The following FNDC4 variants were observed in gnomAD, a reference collection of about 807,000 sequenced individuals.
The protein encoded by FNDC4 is fibronectin type III domain containing 4, also known as fibronectin type III domain-containing protein 4.
In FNDC4, 11 loss-of-function variants were observed where a neutral mutation model predicts 25.1. That is an observed-to-expected ratio of 0.44 (90% confidence interval 0.28 to 0.73). The LOEUF is 0.73. Ranked by LOEUF, FNDC4 falls within the 30% of genes least tolerant of loss-of-function variation. The probability of loss-of-function intolerance (pLI) is 0.16; values close to 1 mark genes in which losing one functional copy is unlikely to be tolerated. For missense variants in FNDC4, 250 were observed against 304.3 expected (o/e 0.82, Z 1.33); for synonymous variants, 136 against 118.8 (o/e 1.14, Z -0.94).
intron 5 of FNDC4, among the ~76,000 whole-genome samples, chr2:27,493,026 TGAGA>T (rs1669299074): frequency 6.7e-6 from 1 of 149,306 alleles, no homozygotes; most frequent in Non-Finnish European, 1.5e-5. Flanking sequence ...TTTTTTTTTT[TGAGA>T]CAGAGTCTCG....
Position 27,492,848 on chromosome 2 carries a change from C to A in FNDC4, c.545-58G>T. 1.2e-6 allele frequency: 2 copies of A among 1,602,230 alleles called. No homozygotes were observed. The highest frequency in any genetic ancestry group is 4.5e-5 in the East Asian group (2 of 44,788). On this transcript the variant is annotated intron_variant, in intron 5 of 6. Coordinates refer to ENST00000264703, the MANE Select transcript of FNDC4 (RefSeq NM_022823.3). The surrounding 1 kb of genome is among the most constrained non-coding windows in gnomAD (Gnocchi z 4.1). The stretch of plus-strand genomic sequence containing the variant: ...CACTTCCCCCCTCATAGGGAGATAC[C>A]TACGTAGCTTCTAGAAAATCCATGA...
intron 4 of FNDC4, 121 bp from the exon 5 acceptor site, chr2:27,493,599 T>A (rs1669308984): frequency 2.3e-6 from 2 of 879,208 alleles, no homozygotes; most frequent in Non-Finnish European, 3.7e-6. Context: ...CCTTGGAGTG[T>A]AGGGTAGCCC....
At position 27,492,286 on chromosome 2, in the gene FNDC4, T is replaced by C; in HGVS notation, c.*157A>G. ...ACTCTGAACAGACCTACCTTCTGGC[T>C]CTGCTCACAGTGGAAAGAGGATGGG... is the stretch of plus-strand genomic sequence containing the variant. On this transcript the variant is annotated 3_prime_UTR_variant, in exon 7 of 7. Coordinates refer to ENST00000264703, the MANE Select transcript of FNDC4 (RefSeq NM_022823.3). The surrounding 1 kb of genome is among the most constrained non-coding windows in gnomAD (Gnocchi z 4.1). The C allele has an allele frequency of 3.4e-6, 3 of 882,908 alleles. No individual in the cohort carries two copies. The highest frequency in any genetic ancestry group is 1.9e-5 in the Admixed American group (1 of 53,592). The allele number at this position is 882,908 out of a possible 1,614,324, so 54.7% of individuals were successfully genotyped here. A position where few individuals can be genotyped will look rare whatever the true frequency, so the allele number is the denominator to read the frequency against.
rs1265051878 is a variant in FNDC4 at position 27,494,758 on chromosome 2, C to CA, written c.-24-56_-24-55insT. The CA allele has an allele frequency of 1.2e-6, 1 of 816,426 alleles. No homozygotes were observed. The highest frequency in any genetic ancestry group is 1.7e-5 in the African/African-American group (1 of 57,798). The allele number at this position is 816,426 out of a possible 1,614,324, so 50.6% of individuals were successfully genotyped here. ...AGGACTGCCCAGAACGCACGGAGGT[C>CA]GGGGGGCAGCAGCTCTCCTGGGCTC... On this transcript the variant is annotated intron_variant, in intron 1 of 6. Coordinates refer to ENST00000264703, the MANE Select transcript of FNDC4 (RefSeq NM_022823.3). The surrounding 1 kb of genome is among the most constrained non-coding windows in gnomAD (Gnocchi z 4.6).
At position 27,493,410 on chromosome 2, in the gene FNDC4, C is replaced by T; in HGVS notation, c.523G>A (p.Val175Met). The change falls in exon 5 of 7, where the codon GTG becomes ATG. Residue 175 changes from valine to methionine, a missense_variant. Physicochemically the swap from Val to Met is conservative, Grantham distance 21. Transcript: ENST00000264703. The stretch of plus-strand genomic sequence containing the variant: ...TCACCAGCCCACATGAGCAACACCA[C>T]CACAATGATGACCACTTCCCCAGTC... ...LQTGEVVIIV[V>M]VLLMWAAVIG... 1 of 1,613,940 alleles carries T rather than the reference C, an allele frequency of 6.2e-7. No individual in the cohort carries two copies. The highest frequency in any genetic ancestry group is 2.2e-5 in the East Asian group (1 of 44,870).
At position 27,494,205 on chromosome 2, in the gene FNDC4, C is replaced by T. The variant is rs1398875851; in HGVS notation, c.250-71G>A. On this transcript the variant is annotated intron_variant, in intron 3 of 6. Transcript: ENST00000264703. The surrounding 1 kb of genome is among the most constrained non-coding windows in gnomAD (Gnocchi z 4.6). ...AGGCCACAAGGCTCAACCAGAGACTCTTCAACATCCAAGCACTCCGGGGGA... is the reference window on the plus strand; with the variant it reads ...AGGCCACAAGGCTCAACCAGAGACTTTTCAACATCCAAGCACTCCGGGGGA... The T allele has an allele frequency of 6.7e-7, 1 of 1,501,184 alleles. No individual in the cohort carries two copies. The highest frequency in any genetic ancestry group is 9.2e-7 in the Non-Finnish European group (1 of 1,089,182). The allele number at this position is 1,501,184 out of a possible 1,614,324, so 93.0% of individuals were successfully genotyped here. A position where few individuals can be genotyped will look rare whatever the true frequency, so the allele number is the denominator to read the frequency against.
chr2:27,493,404 A>C lies in FNDC4; in HGVS notation c.529T>G (p.Leu177Val), dbSNP rs1244240270. Residue 177 changes from leucine to valine, a missense_variant, in exon 5 of 7, where the codon TTG becomes GTG. Transcript: ENST00000264703. Reference sequence around the variant, plus strand: ...GCTTACTCACCAGCCCACATGAGCAACACCACCACAATGATGACCACTTCC... The same window carrying C: ...GCTTACTCACCAGCCCACATGAGCACCACCACCACAATGATGACCACTTCC... ...TGEVVIIVVV[L>V]LMWAAVIGLF... The C allele has an allele frequency of 1.2e-6, 2 of 1,613,810 alleles. No homozygotes were observed. Among genetic ancestry groups the C allele is most frequent in the South Asian group, 2.2e-5 (2 of 91,064 alleles).
chr2:27,494,002 G>A lies in FNDC4; in HGVS notation c.382C>T (p.Pro128Ser), dbSNP rs1669320083. 2 of 1,614,202 alleles carry A rather than the reference G, an allele frequency of 1.2e-6. No homozygotes were observed. The highest frequency in any genetic ancestry group is 1.7e-5 in the Admixed American group (1 of 60,026). ...VRSIGLRGES[P>S]PGPRVHFRTL... ...CGGAAGTGCACCCGGGGCCCTGGGGGACTCTCTCCCCGAAGGCCGATGCTC... is the reference window on the plus strand; with the variant it reads ...CGGAAGTGCACCCGGGGCCCTGGGGAACTCTCTCCCCGAAGGCCGATGCTC... The change falls in exon 4 of 7, where the codon CCC becomes TCC. Residue 128 changes from proline to serine, a missense_variant. Coordinates refer to ENST00000264703, the MANE Select transcript of FNDC4 (RefSeq NM_022823.3). This position sits in a 1 kb window ranked among gnomAD's most constrained non-coding sequence, Gnocchi z 4.6.
Position 27,493,990 on chromosome 2 carries a change from G to A in FNDC4, c.394C>T (p.Arg132Trp), listed in dbSNP as rs766467845. 4 of 1,614,168 alleles carry A rather than the reference G, an allele frequency of 2.5e-6. No individual in the cohort carries two copies. The highest frequency in any genetic ancestry group is 3.4e-6 in the Non-Finnish European group (4 of 1,180,008). ...GLRGESPPGPRVHFRTLKGSD... is the reference protein window; with the variant it reads ...GLRGESPPGPWVHFRTLKGSD... Reference sequence around the variant, plus strand: ...CCCTTGAGAGTTCGGAAGTGCACCCGGGGCCCTGGGGGACTCTCTCCCCGA... The same window carrying A: ...CCCTTGAGAGTTCGGAAGTGCACCCAGGGCCCTGGGGGACTCTCTCCCCGA... The change falls in exon 4 of 7, where the codon CGG (arginine) becomes TGG (tryptophan). Residue 132 changes from arginine to tryptophan, a missense_variant. Transcript: ENST00000264703.
In FNDC4 at chr2:27,494,083, G is replaced by C; in HGVS notation, c.301C>G (p.Arg101Gly). 6.2e-7 allele frequency: 1 copy of C among 1,614,130 alleles called. No homozygotes were observed. The highest frequency in any genetic ancestry group is 8.5e-7 in the Non-Finnish European group (1 of 1,180,020). The change falls in exon 4 of 7, where the codon CGG (arginine) becomes GGG (glycine). Residue 101 changes from arginine (R) to glycine (G), a missense_variant. Arg to Gly is a moderately radical substitution (Grantham distance 125). Coordinates refer to ENST00000264703, the MANE Select transcript of FNDC4 (RefSeq NM_022823.3). This position sits in a 1 kb window ranked among gnomAD's most constrained non-coding sequence, Gnocchi z 4.6. ...RVIREVNTTT[R>G]ACALWGLAED... ...GCCAGGCCCCAGAGGGCACAGGCCC[G>C]GGTGGTGGTGTTCACCTCCCGAATC...
intron 4 of FNDC4, 100 bp from the exon 5 acceptor site, chr2:27,493,578 C>T: frequency 9.9e-7 from 1 of 1,005,972 alleles, no homozygotes; most frequent in Non-Finnish European, 1.6e-6. Context: ...GTGGACCCAT[C>T]ATAATGTTGC....
Position 27,492,455 on chromosome 2 carries a change from G to A in FNDC4, c.693C>T (p.Thr231=), listed in dbSNP as rs376106271. 57 of 1,614,114 alleles carry A rather than the reference G, an allele frequency of 3.5e-5. 1 individual carries two copies. In the African/African-American group the frequency reaches 6.7e-4, roughly 19 times the overall value. The change falls in exon 7 of 7, where the codon ACC becomes ACT. Residue 231 remains threonine, a synonymous_variant. Coordinates refer to ENST00000264703, the MANE Select transcript of FNDC4 (RefSeq NM_022823.3). This position sits in a 1 kb window ranked among gnomAD's most constrained non-coding sequence, Gnocchi z 4.1. ...TGTGTTTCTTCACTCAAACGTCGAT[G>A]GTGTTGATAGATGGTGACTTTTTCT... ...TRQKKSPSIN[T]IDV is the part of the protein sequence containing the mutation.
Position 27,494,957 on chromosome 2 carries a change from C to T in FNDC4, c.-104G>A, listed in dbSNP as rs977283258. 5.2e-5 allele frequency: 16 copies of T among 309,766 alleles called. No homozygotes were observed. Among genetic ancestry groups the T allele is most frequent in the Non-Finnish European group, 8.2e-5 (14 of 170,764 alleles). 19.2% of individuals were successfully genotyped at this position (309,766 alleles called of 1,614,324 possible). ...GGCGGCCCATCGCCCGACTCGGTGG[C>T]GCTGCCCCTACCCCATCCCGGCGCG... On this transcript the variant is annotated 5_prime_UTR_variant, in exon 1 of 7. Coordinates refer to ENST00000264703, the MANE Select transcript of FNDC4 (RefSeq NM_022823.3). This position sits in a 1 kb window ranked among gnomAD's most constrained non-coding sequence, Gnocchi z 4.6.
chr2:27,494,397 T>C lies in FNDC4; in HGVS notation c.203A>G (p.Asp68Gly), dbSNP rs1256542033. The C allele has an allele frequency of 6.2e-7, 1 of 1,614,056 alleles. No individual in the cohort carries two copies. The highest frequency in any genetic ancestry group is 8.5e-7 in the Non-Finnish European group (1 of 1,180,034). ...LRANSATVSW[D>G]VPEGNIVIGY... ...AATGACGATGTTGCCTTCTGGGACG[T>C]CCCAGGACACAGTGGCCGAGTTGGC... is the stretch of plus-strand genomic sequence containing the variant. The change falls in exon 3 of 7, where the codon GAC becomes GGC. Residue 68 changes from aspartate to glycine, a missense_variant. Asp to Gly is a moderately conservative substitution (Grantham distance 94). Coordinates refer to ENST00000264703, the MANE Select transcript of FNDC4 (RefSeq NM_022823.3). This position sits in a 1 kb window ranked among gnomAD's most constrained non-coding sequence, Gnocchi z 4.6.
At position 27,492,511 on chromosome 2, in the gene FNDC4, A is replaced by T; in HGVS notation, c.670-33T>A. 2 of 1,606,950 alleles carry T rather than the reference A, an allele frequency of 1.2e-6. No individual in the cohort carries two copies. Among genetic ancestry groups the T allele is most frequent in the Non-Finnish European group, 1.7e-6 (2 of 1,173,468 alleles). On this transcript the variant is annotated intron_variant, in intron 6 of 6. Coordinates refer to ENST00000264703, the MANE Select transcript of FNDC4 (RefSeq NM_022823.3). This position sits in a 1 kb window ranked among gnomAD's most constrained non-coding sequence, Gnocchi z 4.1. Reference sequence around the variant, plus strand: ...AGAAAATGGCCTGAGTCTCAACTTCAGGAAGGTAATAGGTGCCACCCTTTC... The same window carrying T: ...AGAAAATGGCCTGAGTCTCAACTTCTGGAAGGTAATAGGTGCCACCCTTTC...
chr2:27,493,783 C>T (rs1669313684), intron 4 of FNDC4, 147 bp downstream of exon 4: 7 of 811,578 alleles, frequency 8.6e-6, no homozygotes, highest in African/African-American at 3.4e-5. Flanking sequence ...CAATCCCCTT[C>T]CCACCTGCTT....
Position 27,492,533 on chromosome 2 carries a change from T to G in FNDC4, c.670-55A>C, listed in dbSNP as rs920388490. 1.9e-6 allele frequency: 3 copies of G among 1,595,134 alleles called. No homozygotes were observed. The highest frequency in any genetic ancestry group is 2.7e-5 in the African/African-American group (2 of 74,490). On this transcript the variant is annotated intron_variant, in intron 6 of 6. Coordinates refer to ENST00000264703, the MANE Select transcript of FNDC4 (RefSeq NM_022823.3). The surrounding 1 kb of genome is among the most constrained non-coding windows in gnomAD (Gnocchi z 4.1). ...TTCAGGAAGGTAATAGGTGCCACCC[T>G]TTCTCTCCAGCCTCCCCCATCCCAG...
chr2:27,493,067 G>T (rs1280163326), intron 5 of FNDC4, among the ~76,000 whole-genome samples: 1 of 146,572 alleles, frequency 6.8e-6, no homozygotes, highest in Non-Finnish European at 1.5e-5. Context: ...GGAGTGCAGT[G>T]GCATGATCTC....
In FNDC4 at chr2:27,494,189, G is replaced by A. The variant is rs2148574795; in HGVS notation, c.250-55C>T. Reference sequence around the variant, plus strand: ...GCCTCACCCCAGTGCCAGGCCACAAGGCTCAACCAGAGACTCTTCAACATC... The same window carrying A: ...GCCTCACCCCAGTGCCAGGCCACAAAGCTCAACCAGAGACTCTTCAACATC... On this transcript the variant is annotated intron_variant, in intron 3 of 6. Coordinates refer to ENST00000264703, the MANE Select transcript of FNDC4 (RefSeq NM_022823.3). The surrounding 1 kb of genome is among the most constrained non-coding windows in gnomAD (Gnocchi z 4.6). 2 of 1,552,100 alleles carry A rather than the reference G, an allele frequency of 1.3e-6. No individual in the cohort carries two copies. The highest frequency in any genetic ancestry group is 1.8e-6 in the Non-Finnish European group (2 of 1,131,872).
Sources: gnomAD v4.1 joint callset for allele counts (sites outside exome capture counted in the v4.1 genomes callset) on GRCh38, gnomAD v4.1.1 for gene constraint, Gnocchi (gnomAD v3.1) non-coding constraint, MANE v1.5 for transcripts, NCBI Gene and HGNC (gene_info 2026-07-23, HGNC 2026-07-21) for gene names.